VWC2: variants seen among roughly 807,000 people sequenced by gnomAD.
VWC2 encodes brorin.
VWC2 carries 14 observed loss-of-function variants against 29.8 expected under a neutral mutation model. The observed-to-expected ratio is 0.47, with a 90% CI of 0.31 to 0.74. VWC2 has a LOEUF of 0.74. Among genes scored for constraint, VWC2 ranks in the 30% least tolerant of loss-of-function variants. The pLI, the probability that VWC2 is intolerant of heterozygous loss-of-function variation, is 0.05. For synonymous variants in VWC2, 213 were observed against 199.0 expected (o/e 1.07, Z -0.59); for missense variants, 457 against 459.8 (o/e 0.99, Z 0.05).
At chr7:49,830,889 G>T (rs1171764183) in intron 3 of VWC2, among the ~76,000 whole-genome samples, 1 of 152,114 alleles carries the variant, frequency 6.6e-6, no homozygotes, top group East Asian at 1.9e-4. Flanking sequence ...TGGTGTATAT[G>T]TGCCACATTT....
chr7:49,817,899 T>A (rs143035117), intron 3 of VWC2, among the ~76,000 whole-genome samples: 1 of 152,178 alleles, frequency 6.6e-6, no homozygotes, highest in Non-Finnish European at 1.5e-5. Flanking sequence ...AAAACAGAAA[T>A]TTTTCAGATA....
chr7:49,853,865 TC>T (rs1209434585), intron 3 of VWC2, among the ~76,000 whole-genome samples: 5 of 58,454 alleles, frequency 8.6e-5, no homozygotes, highest in East Asian at 5.6e-4. Context: ...CCCTCCCCCC[TC>T]CCCCCACCCC....
At chr7:49,833,830 A>T (rs578164175) in intron 3 of VWC2, among the ~76,000 whole-genome samples, 44 of 152,284 alleles carry the variant, frequency 2.9e-4, no homozygotes, top group African/African-American at 1.1e-3. Flanking sequence ...GCAACTTACC[A>T]TCGTAACTTA....
At chr7:49,898,455 C>T (rs1040766814) in intron 3 of VWC2, among the ~76,000 whole-genome samples, 1 of 152,046 alleles carries the variant, frequency 6.6e-6, no homozygotes, top group Non-Finnish European at 1.5e-5. Flanking sequence ...CTACTAACCA[C>T]AAATCCCTCA....
At position 49,877,481 on chromosome 7, in the gene VWC2, A is replaced by AAAAAAATATACATATAT; in HGVS notation, c.827-34552_827-34551insAAAAATATACATATATA. Among the ~76,000 whole-genome samples the AAAAAAATATACATATAT allele has an allele frequency of 4.4e-3, 56 of 12,726 alleles. 16 individuals carry two copies. The highest frequency in any genetic ancestry group is 0.012 in the African/African-American group (44 of 3,600). 8.3% of individuals were successfully genotyped at this position (12,726 alleles called of 152,430 possible). A position where few individuals can be genotyped will look rare whatever the true frequency, so the allele number is the denominator to read the frequency against. The stretch of plus-strand genomic sequence containing the variant: ...CTGTCTCAAAAAAAAAAAAAAAAAA[A>AAAAAAATATACATATAT]ATATATATATATATATATATATATA... On this transcript the variant is annotated intron_variant, in intron 3 of 3. Coordinates refer to ENST00000340652, the MANE Select transcript of VWC2 (RefSeq NM_198570.5).
rs1793631402 is a variant in VWC2 at position 49,914,820 on chromosome 7, A to C, written c.*2635A>C. 6.6e-6 allele frequency: 1 copy of C among 152,202 alleles called. No homozygotes were observed. The highest frequency in any genetic ancestry group is 6.5e-5 in the Admixed American group (1 of 15,280). 9.4% of individuals were successfully genotyped at this position (152,202 alleles called of 1,614,324 possible). Reference sequence around the variant, plus strand: ...AGTATAAGTTACTCAATTTCAAAATAATATGGTTTGGAGATAGCACAGAAA... The same window carrying C: ...AGTATAAGTTACTCAATTTCAAAATCATATGGTTTGGAGATAGCACAGAAA... On this transcript the variant is annotated 3_prime_UTR_variant, in exon 4 of 4. Coordinates refer to ENST00000340652, the MANE Select transcript of VWC2 (RefSeq NM_198570.5).
intron 3 of VWC2, among the ~76,000 whole-genome samples, chr7:49,903,590 G>C (rs1045670944): frequency 6.6e-6 from 1 of 152,168 alleles, no homozygotes; most frequent in African/African-American, 2.4e-5. Flanking sequence ...AAAGATGGTG[G>C]GGCCAGAGAA....
At chr7:49,821,671 A>T (rs1167036435) in intron 3 of VWC2, among the ~76,000 whole-genome samples, 1 of 152,194 alleles carries the variant, frequency 6.6e-6, no homozygotes, top group African/African-American at 2.4e-5. Context: ...GATGAAAAAA[A>T]AAAAAGCTTT....
At chr7:49,837,793 G>A (rs113547979) in intron 3 of VWC2, among the ~76,000 whole-genome samples, 2,211 of 152,124 alleles carry the variant, frequency 0.015, 35 homozygotes, top group African/African-American at 0.036. Flanking sequence ...CTAATCGATC[G>A]CACAATCCAT....
At chr7:49,776,205 C>A in intron 2 of VWC2, 74 bp downstream of exon 2, 1 of 1,316,816 alleles carries the variant, frequency 7.6e-7, no homozygotes, top group Non-Finnish European at 1.0e-6. Flanking sequence ...TCTGTGGTCC[C>A]CCACTTTGAA....
At chr7:49,804,390 G>A (rs532477646) in intron 3 of VWC2, among the ~76,000 whole-genome samples, 11 of 152,186 alleles carry the variant, frequency 7.2e-5, no homozygotes, top group Non-Finnish European at 1.6e-4. Flanking sequence ...TCTGCTGGGA[G>A]AGCTGAGGGC....
intron 3 of VWC2, among the ~76,000 whole-genome samples, chr7:49,873,976 A>AC (rs1791289544): frequency 6.6e-6 from 1 of 152,116 alleles, no homozygotes; most frequent in African/African-American, 2.4e-5. Context: ...GCAAATTCAA[A>AC]GAAAACCAAT....
chr7:49,864,164 G>T (rs1790786632), intron 3 of VWC2, among the ~76,000 whole-genome samples: 1 of 152,106 alleles, frequency 6.6e-6, no homozygotes, highest in African/African-American at 2.4e-5. Context: ...CTTGCCATTG[G>T]TGTCACTGAA....
chr7:49,790,054 AAGG>A (rs1166918782), intron 2 of VWC2, among the ~76,000 whole-genome samples: 3 of 152,242 alleles, frequency 2.0e-5, no homozygotes, highest in Non-Finnish European at 4.4e-5. Context: ...ATCAGCAAAG[AAGG>A]AGGTCTTCCT....
At chr7:49,831,171 C>T (rs1182090205) in intron 3 of VWC2, among the ~76,000 whole-genome samples, 6 of 152,142 alleles carry the variant, frequency 3.9e-5, no homozygotes, top group African/African-American at 1.2e-4. Context: ...AAGTTGAGGG[C>T]GCCCATCTCC....
rs571603257 is a variant in VWC2, at chr7:49,900,340, A to T, written c.827-11694A>T. Among the ~76,000 whole-genome samples, 7 of 151,902 alleles carry T rather than the reference A, an allele frequency of 4.6e-5. No homozygotes were observed. In the South Asian group the frequency reaches 1.4e-3, roughly 31 times the overall value. On this transcript the variant is annotated intron_variant, in intron 3 of 3. Coordinates refer to ENST00000340652, the MANE Select transcript of VWC2 (RefSeq NM_198570.5). ...ATGGAGCAGTAATCTATTAATTTAA[A>T]ACAGGAAAACAATAGAGAAAGCTGA...
intron 2 of VWC2, among the ~76,000 whole-genome samples, chr7:49,789,959 C>T (rs1788428256): frequency 6.6e-6 from 1 of 152,208 alleles, no homozygotes; most frequent in South Asian, 2.1e-4. Flanking sequence ...GGGTGCAGGC[C>T]GCCAGCACGT....
At chr7:49,875,434 A>C (rs1791377042) in intron 3 of VWC2, among the ~76,000 whole-genome samples, 1 of 145,566 alleles carries the variant, frequency 6.9e-6, no homozygotes, top group African/African-American at 2.5e-5. Context: ...TTTTTTAAAA[A>C]TAGGAAAAAA....
intron 3 of VWC2, among the ~76,000 whole-genome samples, chr7:49,830,181 T>A (rs1472476628): frequency 6.6e-6 from 1 of 152,192 alleles, no homozygotes; most frequent in Non-Finnish European, 1.5e-5. Flanking sequence ...TTTCAAAGTC[T>A]CCAGGAAGAA....
Sources: allele counts gnomAD v4.1 joint callset (sites outside exome capture counted in the v4.1 genomes callset), GRCh38; gene constraint gnomAD v4.1.1; transcripts MANE v1.5; gene names NCBI Gene and HGNC (gene_info 2026-07-23, HGNC 2026-07-21).